The following PODN variants were observed in gnomAD, a reference collection of about 807,000 sequenced individuals.
PODN encodes the protein podocan.
In PODN, 40 loss-of-function variants were observed where a neutral mutation model predicts 52.7. The ratio of observed to expected loss-of-function variants is 0.76; its 90% CI spans 0.59 to 0.99. The LOEUF is 0.99. PODN is among the 50% of genes least tolerant of loss of function. PODN has a pLI of 0.00. For missense variants in PODN, 720 were observed against 815.1 expected, an observed-to-expected ratio of 0.88 and a Z score of 1.42; for synonymous variants, 396 against 377.9, an observed-to-expected ratio of 1.05 and a Z score of -0.56.
At chr1:53,071,433 A>G (rs1644115088) in intron 2 of PODN, 102 bp from the exon 3 acceptor site, 1 of 979,958 alleles carries the variant, frequency 1.0e-6, no homozygotes, top group Non-Finnish European at 1.5e-6. Context: ...GGTGCCCAGC[A>G]GGTGGACTGG....
chr1:53,067,915 T>TAA (rs71844234), intron 1 of PODN, among the ~76,000 whole-genome samples: 7,740 of 96,198 alleles, frequency 0.08, 449 homozygotes, highest in East Asian at 0.18. Flanking sequence ...GGCCTTGTCT[T>TAA]AAAAAAAAAA....
At chr1:53,065,615 C>T (rs1644020785) in intron 1 of PODN, among the ~76,000 whole-genome samples, 1 of 152,222 alleles carries the variant, frequency 6.6e-6, no homozygotes. Context: ...ACCCTCGTGT[C>T]CACCCACAAA....
rs1054485642 is a variant in PODN at position 53,063,580 on chromosome 1, C to T, written c.-56+1272C>T. ...CCGAGGTAGGTCACTCAGAAGAGCCCGTGGACTGCCCTGGGAAAGACCAGG... is the reference window on the plus strand; with the variant it reads ...CCGAGGTAGGTCACTCAGAAGAGCCTGTGGACTGCCCTGGGAAAGACCAGG... On this transcript the variant is annotated intron_variant, in intron 1 of 10. Coordinates refer to ENST00000312553, the MANE Select transcript of PODN (RefSeq NM_153703.5). The T allele has an allele frequency of 1.2e-5, 12 of 985,394 alleles. No homozygotes were observed. In the African/African-American group the frequency reaches 1.7e-4, roughly 14 times the overall value. 61.0% of individuals were successfully genotyped at this position (985,394 alleles called of 1,614,324 possible).
chr1:53,078,840 A>T lies in PODN; in HGVS notation c.1330A>T (p.Thr444Ser), dbSNP rs1313348883. Residue 444 changes from threonine to serine, a missense_variant, in exon 8 of 11, where the codon ACG becomes TCG. Coordinates refer to ENST00000312553, the MANE Select transcript of PODN (RefSeq NM_153703.5). ...GGACCTGTCGGGCAACCGGCTGCAC[A>T]CGCTGCCACCTGGGCTGCCTCGAAA... ...SLDLSGNRLH[T>S]LPPGLPRNVH... 3 of 1,612,600 alleles carry T rather than the reference A, an allele frequency of 1.9e-6. No homozygotes were observed. In the Admixed American group the frequency reaches 5.0e-5, roughly 27 times the overall value.
intron 2 of PODN, 40 bp from the exon 3 acceptor site, chr1:53,071,495 T>G (rs1644116001): frequency 6.5e-7 from 1 of 1,543,208 alleles, no homozygotes; most frequent in South Asian, 1.1e-5. Context: ...CACACCCCAC[T>G]AGGCTGATGC....
At chr1:53,080,368 G>A (rs1435494642) in intron 8 of PODN, among the ~76,000 whole-genome samples, 4 of 152,236 alleles carry the variant, frequency 2.6e-5, no homozygotes. Context: ...GAATGACCAA[G>A]TCTAATGGGA....
chr1:53,068,471 C>G (rs56657381), intron 1 of PODN, among the ~76,000 whole-genome samples: 7,263 of 152,298 alleles, frequency 0.048, 260 homozygotes, highest in East Asian at 0.2. Context: ...CTGCTGCTCA[C>G]TTAGTGCAGC....
At position 53,062,230 on chromosome 1, in the gene PODN, C is replaced by T. The variant is rs1289821415; in HGVS notation, c.-134C>T. 3 of 1,273,744 alleles carry T rather than the reference C, an allele frequency of 2.4e-6. No homozygotes were observed. The African/African-American group carries it at 4.5e-5, about 19-fold the overall frequency. The allele number at this position is 1,273,744 out of a possible 1,614,324, so 78.9% of individuals were successfully genotyped here. The stretch of plus-strand genomic sequence containing the variant: ...CCCAGCTTGACTTGAATGGAAGGAG[C>T]CCGAGCCCGCGGAGCGCAGCTGAGA... On this transcript the variant is annotated 5_prime_UTR_variant, in exon 1 of 11. Coordinates refer to ENST00000312553, the MANE Select transcript of PODN (RefSeq NM_153703.5).
Position 53,067,813 on chromosome 1 carries a change from G to A in PODN, c.-55-1988G>A, listed in dbSNP as rs1350824774. Among the ~76,000 whole-genome samples, 4 of 151,916 alleles carry A rather than the reference G, an allele frequency of 2.6e-5. No homozygotes were observed. In the East Asian group the frequency reaches 7.7e-4, roughly 29 times the overall value. ...CCCCTATAGTCCCAGTTGCTTGAGA[G>A]GCTGAGGCTGGAGGATCACTTCAGC... On this transcript the variant is annotated intron_variant, in intron 1 of 10. Transcript: ENST00000312553.
rs768477356 is a variant in PODN, at chr1:53,070,086, G to T, written c.231G>T (p.Glu77Asp). Residue 77 changes from glutamate to aspartate, a missense_variant, in exon 2 of 11, where the codon GAG becomes GAT. By Grantham distance (45) the Glu-to-Asp change is conservative. Transcript: ENST00000312553. ...SCPRDCACSQ[E>D]GVVDCGGIDL... ...CCCGAGACTGTGCCTGTTCCCAGGA[G>T]GGCGTCGTGGACTGTGGCGGTATTG... 4 of 1,612,990 alleles carry T rather than the reference G, an allele frequency of 2.5e-6. No individual in the cohort carries two copies. The highest frequency in any genetic ancestry group is 3.4e-6 in the Non-Finnish European group (4 of 1,180,020).
Position 53,082,046 on chromosome 1 carries a change from T to C in PODN, c.1727T>C (p.Val576Ala), listed in dbSNP as rs940583740. 4 of 1,613,762 alleles carry C rather than the reference T, an allele frequency of 2.5e-6. No homozygotes were observed. Among genetic ancestry groups the C allele is most frequent in the Non-Finnish European group, 3.4e-6 (4 of 1,179,892 alleles). ...SAFRRLKHLQ[V>A]LDIEGNLEFG... ...TTCCGGAGGCTGAAGCACCTGCAGG[T>C]CTTGGACATTGAAGGCAACTTAGAG... The change falls in exon 10 of 11, where the codon GTC becomes GCC. Residue 576 changes from valine (V) to alanine (A), a missense_variant. By Grantham distance (64) the Val-to-Ala change is moderately conservative. Transcript: ENST00000312553.
At chr1:53,069,208 C>T (rs1335648313) in intron 1 of PODN, among the ~76,000 whole-genome samples, 1 of 152,234 alleles carries the variant, frequency 6.6e-6, no homozygotes, top group Non-Finnish European at 1.5e-5. Context: ...ATGTTCATAG[C>T]ACTGGAATTG....
rs903443297 is a variant in PODN at position 53,066,904 on chromosome 1, C to T, written c.-55-2897C>T. The T allele has an allele frequency of 2.0e-6, 3 of 1,533,264 alleles. No individual in the cohort carries two copies. In the African/African-American group the frequency reaches 4.1e-5, roughly 21 times the overall value. 95.0% of individuals were successfully genotyped at this position (1,533,264 alleles called of 1,614,324 possible). The stretch of plus-strand genomic sequence containing the variant: ...GGATATGTGAGACCAGAGCTCCTTC[C>T]CCTGGATTCTTCTCCTTGGCCTTCT... On this transcript the variant is annotated intron_variant, in intron 1 of 10. Transcript: ENST00000312553.
chr1:53,071,523 CT>C lies in PODN; in HGVS notation c.313-11del. 1 of 1,610,700 alleles carries C rather than the reference CT, an allele frequency of 6.2e-7. No homozygotes were observed. Among genetic ancestry groups the C allele is most frequent in the Non-Finnish European group, 8.5e-7 (1 of 1,177,570 alleles). ...GCTGATGCTGCTTCCTTGCGGCCCC[CT>C]ACCCCCCTAGAACAACCAGCTGGAA... is the stretch of plus-strand genomic sequence containing the variant. On this transcript the variant is annotated splice_polypyrimidine_tract_variant and intron_variant, in intron 2 of 10. Transcript: ENST00000312553.
rs1369401167 is a variant in PODN, at chr1:53,074,779, C to T, written c.471+109C>T. ...GCCTTTCTGGACTCCCTGCTGGGTCCTTGTTGCTGCTCAGACATGGCCCTG... is the reference window on the plus strand; with the variant it reads ...GCCTTTCTGGACTCCCTGCTGGGTCTTTGTTGCTGCTCAGACATGGCCCTG... On this transcript the variant is annotated intron_variant, in intron 4 of 10. Transcript: ENST00000312553. The T allele has an allele frequency of 1.3e-5, 11 of 855,724 alleles. No homozygotes were observed. In the East Asian group the frequency reaches 3.2e-4, roughly 25 times the overall value. The allele number at this position is 855,724 out of a possible 1,614,324, so 53.0% of individuals were successfully genotyped here.
chr1:53,074,711 C>G, intron 4 of PODN, 41 bp downstream of exon 4: 2 of 1,590,430 alleles, frequency 1.3e-6, no homozygotes, highest in Non-Finnish European at 1.7e-6. Flanking sequence ...CTGCCCTGTC[C>G]TCTAGGCATT....
Position 53,069,950 on chromosome 1 carries a change from G to C in PODN, c.95G>C (p.Arg32Pro). Residue 32 changes from arginine (R) to proline (P), a missense_variant, in exon 2 of 11, where the codon CGA becomes CCA. Arg to Pro is a moderately radical substitution (Grantham distance 103). Coordinates refer to ENST00000312553, the MANE Select transcript of PODN (RefSeq NM_153703.5). ...GCCGTGAGGGCCCCAGGATTTGGCC[G>C]AAGTGGCGGCCACAGCCTGAGCCCC... ...VLAVRAPGFGRSGGHSLSPEE... is the reference protein window; with the variant it reads ...VLAVRAPGFGPSGGHSLSPEE... 6.3e-7 allele frequency: 1 copy of C among 1,596,948 alleles called. No individual in the cohort carries two copies. Among genetic ancestry groups the C allele is most frequent in the Non-Finnish European group, 8.5e-7 (1 of 1,172,640 alleles).
intron 4 of PODN, among the ~76,000 whole-genome samples, chr1:53,075,338 G>T (rs1644178599): frequency 6.6e-6 from 1 of 152,192 alleles, no homozygotes. Flanking sequence ...TCCCAGCTCT[G>T]CAAGGGGGCA....
At position 53,080,489 on chromosome 1, in the gene PODN, T is replaced by C. The variant is rs114754525; in HGVS notation, c.1513-239T>C. ...GACGTTCATCAATTAGAATAAGGGT[T>C]TGGAGTCAGGCACACCCGGCTACAG... On this transcript the variant is annotated intron_variant, in intron 8 of 10. Coordinates refer to ENST00000312553, the MANE Select transcript of PODN (RefSeq NM_153703.5). 2.2e-3 allele frequency among the ~76,000 whole-genome samples: 330 copies of C among 152,292 alleles called. 2 individuals are homozygous for C. Among genetic ancestry groups the C allele is most frequent in the African/African-American group, 7.6e-3 (314 of 41,568 alleles).
Sources: allele counts gnomAD v4.1 joint callset (sites outside exome capture counted in the v4.1 genomes callset), GRCh38; gene constraint gnomAD v4.1.1; transcripts MANE v1.5; gene names NCBI Gene and HGNC (gene_info 2026-07-23, HGNC 2026-07-21).